Variants in PDPN observed in about 807,000 individuals in gnomAD.
PDPN encodes podoplanin.
PDPN carries 12 observed loss-of-function variants against 23.2 expected under a neutral mutation model. The observed-to-expected ratio is 0.52, with a 90% CI of 0.33 to 0.84. The LOEUF is 0.84. Among genes scored for constraint, PDPN ranks in the 40% least tolerant of loss-of-function variants. PDPN has a pLI of 0.02. For synonymous variants in PDPN, 77 were observed against 76.7 expected (o/e 1.00, Z -0.02); for missense variants, 199 against 212.2 (o/e 0.94, Z 0.39).
At chr1:13,607,345 A>T in intron 2 of PDPN, 39 bp downstream of exon 2, 1 of 1,562,680 alleles carries the variant, frequency 6.4e-7, no homozygotes, top group South Asian at 1.1e-5. Context: ...TTCCGTAGGC[A>T]TGTGATCACA....
chr1:13,588,118 C>T (rs1640227515), intron 1 of PDPN, among the ~76,000 whole-genome samples: 1 of 138,876 alleles, frequency 7.2e-6, no homozygotes, highest in Non-Finnish European at 1.5e-5. Flanking sequence ...ATTTCATGAA[C>T]CCGCCCCCCC....
At chr1:13,599,580 C>T (rs926947692) in intron 1 of PDPN, among the ~76,000 whole-genome samples, 1 of 151,774 alleles carries the variant, frequency 6.6e-6, no homozygotes, top group Non-Finnish European at 1.5e-5. Context: ...GAGACGGTTT[C>T]ACCATGTTGG....
At chr1:13,602,218 C>A (rs1215802686) in intron 1 of PDPN, among the ~76,000 whole-genome samples, 3 of 152,150 alleles carry the variant, frequency 2.0e-5, no homozygotes, top group Non-Finnish European at 4.4e-5. Flanking sequence ...GTCCCAGCTA[C>A]TTGGGAGGCT....
intron 1 of PDPN, among the ~76,000 whole-genome samples, chr1:13,593,135 G>T (rs1640395675): frequency 6.6e-6 from 1 of 152,148 alleles, no homozygotes; most frequent in East Asian, 1.9e-4. Context: ...CACGAGGTAG[G>T]TACATAGTAA....
chr1:13,614,687 T>C (rs1371298014), intron 5 of PDPN, among the ~76,000 whole-genome samples: 1 of 152,190 alleles, frequency 6.6e-6, no homozygotes, highest in East Asian at 1.9e-4. Context: ...TTTGAGAGGC[T>C]GAGGCAGGAG....
intron 2 of PDPN, among the ~76,000 whole-genome samples, 186 bp downstream of exon 2, chr1:13,607,492 G>A (rs180758305): frequency 3.3e-5 from 5 of 152,180 alleles, no homozygotes; most frequent in African/African-American, 9.6e-5. Context: ...TTGTTGATAG[G>A]TTCTTGGAAA....
At chr1:13,599,386 TTTTTTTTTTTTTTTTTTCAGACAGAGCC>T (rs1291757532) in intron 1 of PDPN, among the ~76,000 whole-genome samples, 2 of 132,358 alleles carry the variant, frequency 1.5e-5, no homozygotes, top group Admixed American at 7.4e-5. Context: ...TTTTTTTTTT[TTTTTTTTTTTTTTTTTTCAGACAGAGCC>T]TTGCTCTGTC....
intron 1 of PDPN, among the ~76,000 whole-genome samples, chr1:13,587,621 G>A (rs539700911): frequency 2.6e-4 from 39 of 152,314 alleles, no homozygotes; most frequent in Admixed American, 5.2e-4. Flanking sequence ...GAAGTACCCA[G>A]TGTGCACGTT....
chr1:13,601,628 A>G (rs1424804028), intron 1 of PDPN, among the ~76,000 whole-genome samples: 2 of 152,140 alleles, frequency 1.3e-5, no homozygotes, highest in African/African-American at 2.4e-5. Flanking sequence ...AAGTGCTGGG[A>G]TTACAGGCCT....
chr1:13,596,835 G>A (rs941982779), intron 1 of PDPN, among the ~76,000 whole-genome samples: 4 of 152,168 alleles, frequency 2.6e-5, no homozygotes, highest in Middle Eastern at 3.2e-3. Flanking sequence ...TTGACTGAGG[G>A]AAGCAACAGC....
chr1:13,608,551 TC>T (rs781292793), intron 2 of PDPN, among the ~76,000 whole-genome samples: 1 of 152,200 alleles, frequency 6.6e-6, no homozygotes, highest in Non-Finnish European at 1.5e-5. Flanking sequence ...GGCTGACTTT[TC>T]CTTATAATTC....
intron 1 of PDPN, among the ~76,000 whole-genome samples, chr1:13,598,043 G>A (rs192287399): frequency 1.8e-3 from 277 of 150,986 alleles, no homozygotes; most frequent in African/African-American, 6.6e-3. Flanking sequence ...CTTTTCTTTC[G>A]TCTCACTCTG....
chr1:13,595,061 T>G (rs1409338843), intron 1 of PDPN, among the ~76,000 whole-genome samples: 1 of 151,388 alleles, frequency 6.6e-6, no homozygotes, highest in Non-Finnish European at 1.5e-5. Context: ...AGTTTGCACA[T>G]TCTCCCATAA....
chr1:13,589,299 C>T (rs1640270897), intron 1 of PDPN, among the ~76,000 whole-genome samples: 1 of 152,184 alleles, frequency 6.6e-6, no homozygotes, highest in South Asian at 2.1e-4. Flanking sequence ...GCATACAAAG[C>T]GTTGGAAAAC....
At chr1:13,594,714 C>A (rs564509600) in intron 1 of PDPN, among the ~76,000 whole-genome samples, 117 of 152,110 alleles carry the variant, frequency 7.7e-4, no homozygotes, top group African/African-American at 2.5e-3. Context: ...CTGCTGGGTA[C>A]GGTGGCTTAC....
chr1:13,615,706 G>A (rs1028167216), intron 5 of PDPN, among the ~76,000 whole-genome samples, 199 bp from the exon 6 acceptor site: 3 of 152,162 alleles, frequency 2.0e-5, no homozygotes, highest in Non-Finnish European at 2.9e-5. Context: ...TGGACTTAGC[G>A]TGTTTGGAAA....
chr1:13,588,980 A>AGCTACTATTCAATAAATTTAATAGT (rs70984264), intron 1 of PDPN, among the ~76,000 whole-genome samples: 2 of 126,912 alleles, frequency 1.6e-5, no homozygotes, highest in African/African-American at 5.5e-5. Flanking sequence ...TTCATTGAAT[A>AGCTACTATTCAATAAATTTAATAGT]GCTACTATTC....
At chr1:13,598,900 A>G (rs192114000) in intron 1 of PDPN, among the ~76,000 whole-genome samples, 1 of 152,240 alleles carries the variant, frequency 6.6e-6, no homozygotes, top group Non-Finnish European at 1.5e-5. Flanking sequence ...CCAGTAGGAC[A>G]GACAAGTAGC....
intron 1 of PDPN, among the ~76,000 whole-genome samples, chr1:13,603,450 C>G (rs1640701027): frequency 6.6e-6 from 1 of 152,080 alleles, no homozygotes; most frequent in Non-Finnish European, 1.5e-5. Flanking sequence ...GACATGAATG[C>G]AAAGATAAAA....
Sources: allele counts gnomAD v4.1 joint callset (sites outside exome capture counted in the v4.1 genomes callset), GRCh38; gene constraint gnomAD v4.1.1; transcripts MANE v1.5; gene names NCBI Gene and HGNC (gene_info 2026-07-23, HGNC 2026-07-21).